PARD3: variants seen among roughly 807,000 people sequenced by gnomAD.
The protein encoded by PARD3 is par-3 family cell polarity regulator.
A neutral mutation model predicts 155.4 loss-of-function variants in PARD3; 75 were observed. The observed-to-expected ratio is 0.48, with a 90% CI of 0.40 to 0.58. The LOEUF is 0.58. PARD3 is among the 20% of genes least tolerant of loss of function. PARD3 has a pLI of 0.00. For synonymous variants in PARD3, 576 were observed against 610.5 expected, an observed-to-expected ratio of 0.94 and a Z score of 0.83; for missense variants, 1,642 against 1,721.7, an observed-to-expected ratio of 0.95 and a Z score of 0.82.
intron 7 of PARD3, among the ~76,000 whole-genome samples, chr10:34,398,550 TAAATTA>T (rs1843573562): frequency 6.6e-6 from 1 of 152,182 alleles, no homozygotes; most frequent in South Asian, 2.1e-4. Context: ...AAGATGCAAT[TAAATTA>T]AACAAGTTAA....
chr10:34,347,161 CA>C (rs1837516706), intron 15 of PARD3, among the ~76,000 whole-genome samples: 1 of 152,110 alleles, frequency 6.6e-6, no homozygotes, highest in Admixed American at 6.5e-5. Flanking sequence ...CAAAATATAC[CA>C]GTAATAAAAG....
rs1040148358 is a variant in PARD3, at chr10:34,317,327, T to C, written c.2845A>G (p.Thr949Ala). ...DEGMETLEED[T>A]EESSRSGRES... ...CTCCCTGATCTTGAACTTTCTTCTGTGTCTTCTTCCACTTGGAAGGAAAGA... is the reference window on the plus strand; with the variant it reads ...CTCCCTGATCTTGAACTTTCTTCTGCGTCTTCTTCCACTTGGAAGGAAAGA... Residue 949 changes from threonine to alanine, a missense_variant, in exon 20 of 25, where the codon ACA becomes GCA. Thr to Ala is a moderately conservative substitution (Grantham distance 58, BLOSUM62 0). Transcript: ENST00000374788. The C allele has an allele frequency of 1.8e-5, 29 of 1,595,706 alleles. No homozygotes were observed. The highest frequency in any genetic ancestry group is 2.4e-5 in the Non-Finnish European group (28 of 1,174,030).
intron 3 of PARD3, among the ~76,000 whole-genome samples, chr10:34,508,007 T>C (rs1186868474): frequency 6.6e-6 from 1 of 152,162 alleles, no homozygotes; most frequent in Non-Finnish European, 1.5e-5. Flanking sequence ...GAAGGACAGA[T>C]CTCTATACCA....
chr10:34,545,275 T>G (rs2083950629), intron 2 of PARD3, among the ~76,000 whole-genome samples: 1 of 152,142 alleles, frequency 6.6e-6, no homozygotes, highest in South Asian at 2.1e-4. Context: ...AACCAAAACT[T>G]CAACATTCCA....
chr10:34,292,725 T>C (rs2799447), intron 20 of PARD3, among the ~76,000 whole-genome samples: 11 of 152,150 alleles, frequency 7.2e-5, no homozygotes, highest in Admixed American at 1.3e-4. Flanking sequence ...TATTATTATT[T>C]TTTTTTTTAA....
At chr10:34,779,723 C>T (rs73257133) in intron 1 of PARD3, among the ~76,000 whole-genome samples, 22 of 152,340 alleles carry the variant, frequency 1.4e-4, no homozygotes, top group African/African-American at 5.1e-4. Flanking sequence ...AGATGCATTA[C>T]CTGACACACA....
chr10:34,408,402 A>G (rs1278962200), intron 5 of PARD3, among the ~76,000 whole-genome samples: 2 of 152,188 alleles, frequency 1.3e-5, no homozygotes, highest in South Asian at 2.1e-4. Context: ...TAACTTAATG[A>G]GAGACATGTT....
At chr10:34,649,223 T>G (rs1304318857) in intron 2 of PARD3, among the ~76,000 whole-genome samples, 2 of 152,130 alleles carry the variant, frequency 1.3e-5, no homozygotes, top group Non-Finnish European at 2.9e-5. Flanking sequence ...GAAGGAGGAT[T>G]ATTTGAGCTC....
At chr10:34,250,214 GAA>G (rs1229354868) in intron 22 of PARD3, among the ~76,000 whole-genome samples, 1 of 148,542 alleles carries the variant, frequency 6.7e-6, no homozygotes, top group Non-Finnish European at 1.5e-5. Flanking sequence ...GTTAAAAAAA[GAA>G]AAAAAAAGTT....
At chr10:34,245,973 G>A (rs1477817460) in intron 22 of PARD3, among the ~76,000 whole-genome samples, 1 of 152,218 alleles carries the variant, frequency 6.6e-6, no homozygotes. Flanking sequence ...GTAGGCACGT[G>A]AGAATCACAA....
At chr10:34,685,517 A>C (rs1379372881) in intron 2 of PARD3, among the ~76,000 whole-genome samples, 2 of 152,208 alleles carry the variant, frequency 1.3e-5, no homozygotes, top group African/African-American at 2.4e-5. Context: ...ACATGTGCAC[A>C]AAGGAAAAAA....
At chr10:34,765,910 A>G (rs1186043258) in intron 1 of PARD3, among the ~76,000 whole-genome samples, 1 of 152,132 alleles carries the variant, frequency 6.6e-6, no homozygotes, top group Non-Finnish European at 1.5e-5. Context: ...CACACACCCC[A>G]TTCCACAGAT....
intron 5 of PARD3, among the ~76,000 whole-genome samples, chr10:34,409,342 G>C (rs1437978547): frequency 2.0e-5 from 3 of 152,042 alleles, no homozygotes; most frequent in Admixed American, 1.3e-4. Context: ...TTGATTATTA[G>C]GATTCCAGAG....
At chr10:34,665,622 G>A (rs544685506) in intron 2 of PARD3, among the ~76,000 whole-genome samples, 107 of 152,216 alleles carry the variant, frequency 7.0e-4, no homozygotes, top group Non-Finnish European at 1.2e-3. Context: ...GGCGGATCAC[G>A]AGGTCAGGGG....
chr10:34,802,953 C>T (rs900912593), intron 1 of PARD3, among the ~76,000 whole-genome samples: 2 of 151,350 alleles, frequency 1.3e-5, no homozygotes, highest in Non-Finnish European at 2.9e-5. Context: ...CGACCAGGCA[C>T]GGTGACTCAC....
chr10:34,577,624 T>C (rs2087002831), intron 2 of PARD3, among the ~76,000 whole-genome samples: 3 of 152,134 alleles, frequency 2.0e-5, no homozygotes, highest in Admixed American at 1.3e-4. Context: ...TCTATCACTA[T>C]CGTAAAATGA....
chr10:34,185,811 C>CTATATCATAT (rs1554804706), intron 22 of PARD3, among the ~76,000 whole-genome samples: 4 of 143,706 alleles, frequency 2.8e-5, no homozygotes, highest in African/African-American at 7.6e-5. Flanking sequence ...GTAACATCTT[C>CTATATCATAT]TATATTATAT....
chr10:34,755,707 A>G (rs917980026), intron 1 of PARD3, among the ~76,000 whole-genome samples: 6 of 152,176 alleles, frequency 3.9e-5, no homozygotes, highest in African/African-American at 1.2e-4. Context: ...TTGGCATTAA[A>G]CTGGGAATTG....
At chr10:34,119,479 A>T in intron 24 of PARD3, 134 bp downstream of exon 24, 1 of 850,452 alleles carries the variant, frequency 1.2e-6, no homozygotes, top group South Asian at 2.3e-5. Context: ...GCCACGGGAC[A>T]TTTATTGGTT....
Sources: gnomAD v4.1 joint callset for allele counts (sites outside exome capture counted in the v4.1 genomes callset) on GRCh38, gnomAD v4.1.1 for gene constraint, MANE v1.5 for transcripts, NCBI Gene and HGNC (gene_info 2026-07-23, HGNC 2026-07-21) for gene names.